PRDM16: variants seen among roughly 807,000 people sequenced by gnomAD.
PRDM16 encodes the protein histone-lysine N-methyltransferase PRDM16.
PRDM16 carries 23 observed loss-of-function variants against 110.6 expected under a neutral mutation model. The ratio of observed to expected loss-of-function variants is 0.21; its 90% CI spans 0.15 to 0.29. The LOEUF (loss-of-function observed/expected upper bound fraction) is 0.29, where lower values mean the gene tolerates loss of function less well. Among genes scored for constraint, PRDM16 ranks in the 10% least tolerant of loss-of-function variants. The probability of loss-of-function intolerance (pLI) is 1.00; values close to 1 mark genes in which losing one functional copy is unlikely to be tolerated. For synonymous variants in PRDM16, 799 were observed against 781.8 expected (o/e 1.02, Z -0.37); for missense variants, 1,615 against 1,794.3 (o/e 0.90, Z 1.81).
At chr1:3,420,003 C>T (rs951001542) in intron 12 of PRDM16, among the ~76,000 whole-genome samples, 5 of 151,968 alleles carry the variant, frequency 3.3e-5, no homozygotes, top group Admixed American at 6.6e-5. Context: ...TGGTCTGGTC[C>T]CCTCCCAGAA....
At chr1:3,106,159 G>C (rs1439518334) in intron 1 of PRDM16, among the ~76,000 whole-genome samples, 2 of 143,246 alleles carry the variant, frequency 1.4e-5, no homozygotes, top group African/African-American at 5.0e-5. Flanking sequence ...GGTGGGCGGG[G>C]TATGGGGGGA....
intron 3 of PRDM16, among the ~76,000 whole-genome samples, chr1:3,306,484 T>G (rs1641315507): frequency 6.6e-6 from 1 of 152,208 alleles, no homozygotes; most frequent in South Asian, 2.1e-4. Flanking sequence ...CATTTACACC[T>G]GGACACAGCC....
At chr1:3,147,033 G>T (rs554168363) in intron 1 of PRDM16, among the ~76,000 whole-genome samples, 8 of 141,582 alleles carry the variant, frequency 5.7e-5, no homozygotes, top group Admixed American at 2.1e-4. Context: ...TGTGTGCTCG[G>T]TGTGGGGTGT....
At chr1:3,322,944 A>G (rs1006045896) in intron 3 of PRDM16, among the ~76,000 whole-genome samples, 3 of 152,144 alleles carry the variant, frequency 2.0e-5, no homozygotes, top group Non-Finnish European at 4.4e-5. Flanking sequence ...GCCTCTTCTA[A>G]TCACGCTCTG....
rs568696711 is a variant in PRDM16 at position 3,271,046 on chromosome 1, T to C, written c.438+26909T>C. ...CAGACCTTGGTGTCTGCCACGCTCC[T>C]CCCAGTCCCGGCTGTGGCCGGCCTG... On this transcript the variant is annotated intron_variant, in intron 3 of 16. Transcript: ENST00000270722. Among the ~76,000 whole-genome samples the C allele has an allele frequency of 3.3e-5, 5 of 152,166 alleles. No individual in the cohort carries two copies. The South Asian group carries it at 1.0e-3, about 32-fold the overall frequency.
At chr1:3,162,827 G>T (rs368168911) in intron 1 of PRDM16, among the ~76,000 whole-genome samples, 1 of 152,088 alleles carries the variant, frequency 6.6e-6, no homozygotes, top group Non-Finnish European at 1.5e-5. Flanking sequence ...GGGTCAAAGC[G>T]GCACCTCCGC....
Position 3,102,200 on chromosome 1 carries a change from G to A in PRDM16, c.37+32904G>A, listed in dbSNP as rs112162835. On this transcript the variant is annotated intron_variant, in intron 1 of 16. Transcript: ENST00000270722. ...GTGGGCAGTGAGTCCAGCCGCACAG[G>A]GAGCCAGGTAGAGGTGGCGCCACCA... 3.3e-5 allele frequency among the ~76,000 whole-genome samples: 5 copies of A among 152,292 alleles called. 1 individual carries two copies. Among genetic ancestry groups the A allele is most frequent in the African/African-American group, 1.2e-4 (5 of 41,560 alleles).
At position 3,437,783 on chromosome 1, in the gene PRDM16, T is replaced by C; in HGVS notation, c.*3972T>C. On this transcript the variant is annotated 3_prime_UTR_variant, in exon 17 of 17. Transcript: ENST00000270722. The stretch of plus-strand genomic sequence containing the variant: ...AATAAATAAATAAATAAAAGGCAGC[T>C]TGAGTTTCCAAACGTGTGATTCACT... 4.6e-6 allele frequency: 1 copy of C among 219,268 alleles called. No homozygotes were observed. The highest frequency in any genetic ancestry group is 9.2e-6 in the Non-Finnish European group (1 of 109,270). 13.6% of individuals were successfully genotyped at this position (219,268 alleles called of 1,614,324 possible).
intron 1 of PRDM16, among the ~76,000 whole-genome samples, chr1:3,162,246 G>A (rs866401028): frequency 6.6e-6 from 1 of 152,118 alleles, no homozygotes; most frequent in Non-Finnish European, 1.5e-5. Context: ...CCCCGTGCCC[G>A]GTAAATAGTG....
At position 3,434,998 on chromosome 1, in the gene PRDM16, C is replaced by T; in HGVS notation, c.*1187C>T. The T allele has an allele frequency of 4.4e-6, 1 of 228,288 alleles. No individual in the cohort carries two copies. The highest frequency in any genetic ancestry group is 8.7e-6 in the Non-Finnish European group (1 of 114,836). 14.1% of individuals were successfully genotyped at this position (228,288 alleles called of 1,614,324 possible). A position where few individuals can be genotyped will look rare whatever the true frequency, so the allele number is the denominator to read the frequency against. Reference sequence around the variant, plus strand: ...GACTCCGGATGGACGACACAGTCGTCACGTCGCTCTTCCTGCGGGTTCTTG... The same window carrying T: ...GACTCCGGATGGACGACACAGTCGTTACGTCGCTCTTCCTGCGGGTTCTTG... On this transcript the variant is annotated 3_prime_UTR_variant, in exon 17 of 17. Transcript: ENST00000270722.
At chr1:3,186,537 A>G in intron 2 of PRDM16, 63 bp downstream of exon 2, 1 of 1,149,200 alleles carries the variant, frequency 8.7e-7, no homozygotes, top group South Asian at 1.6e-5. Context: ...ATCTATTTAT[A>G]AAGCCGGGCT....
In PRDM16 at chr1:3,245,347, G is replaced by C. The variant is rs1191479399; in HGVS notation, c.438+1210G>C. On this transcript the variant is annotated intron_variant, in intron 3 of 16. Transcript: ENST00000270722. The surrounding 1 kb of genome is among the most constrained non-coding windows in gnomAD (Gnocchi z 4.7). The stretch of plus-strand genomic sequence containing the variant: ...GAGGCATTTGGGCAGAGCTGCCTAC[G>C]AGGGACAGGGGACCCACCATCTGGG... Among the ~76,000 whole-genome samples the C allele has an allele frequency of 6.6e-6, 1 of 152,192 alleles. No individual in the cohort carries two copies. Among genetic ancestry groups the C allele is most frequent in the African/African-American group, 2.4e-5 (1 of 41,454 alleles).
At chr1:3,281,241 G>A (rs1009711575) in intron 3 of PRDM16, among the ~76,000 whole-genome samples, 1 of 152,242 alleles carries the variant, frequency 6.6e-6, no homozygotes, top group African/African-American at 2.4e-5. Flanking sequence ...GAACGCAGCT[G>A]TGGGCACTGT....
At chr1:3,186,960 G>C (rs1169074122) in intron 2 of PRDM16, among the ~76,000 whole-genome samples, 6 of 152,240 alleles carry the variant, frequency 3.9e-5, no homozygotes, top group Non-Finnish European at 7.3e-5. Context: ...AGCAGCCTCA[G>C]CTTCTCCAAC....
intron 4 of PRDM16, among the ~76,000 whole-genome samples, chr1:3,391,830 C>T (rs1236457851): frequency 6.6e-6 from 1 of 152,232 alleles, no homozygotes. Flanking sequence ...GAGGCAGGCT[C>T]CCAAGCACAG....
chr1:3,157,304 G>A lies in PRDM16; in HGVS notation c.38-28821G>A, dbSNP rs557474393. On this transcript the variant is annotated intron_variant, in intron 1 of 16. Coordinates refer to ENST00000270722, the MANE Select transcript of PRDM16 (RefSeq NM_022114.4). The surrounding 1 kb of genome is among the most constrained non-coding windows in gnomAD (Gnocchi z 4.8). ...TTTCAGATACACAGCACACAAGTAC[G>A]TCCCAAACACAGCCAGCATTTTGTT... Among the ~76,000 whole-genome samples the A allele has an allele frequency of 1.3e-4, 20 of 152,038 alleles. No individual in the cohort carries two copies. Among genetic ancestry groups the A allele is most frequent in the Non-Finnish European group, 2.9e-4 (20 of 68,010 alleles).
In PRDM16 at chr1:3,358,262, C is replaced by T. The variant is rs1433587204; in HGVS notation, c.439-26890C>T. Among the ~76,000 whole-genome samples the T allele has an allele frequency of 6.6e-6, 1 of 152,204 alleles. No homozygotes were observed. Among genetic ancestry groups the T allele is most frequent in the Non-Finnish European group, 1.5e-5 (1 of 68,044 alleles). On this transcript the variant is annotated intron_variant, in intron 3 of 16. Transcript: ENST00000270722. This position sits in a 1 kb window ranked among gnomAD's most constrained non-coding sequence, Gnocchi z 4.0. ...CACCATGAGACTCCCGGTTCTGCCT[C>T]CTGGGGACCCAGCCTGCCTGCTGGG...
intron 14 of PRDM16, among the ~76,000 whole-genome samples, chr1:3,427,807 A>G (rs1472797069): frequency 6.6e-6 from 1 of 152,092 alleles, no homozygotes; most frequent in Admixed American, 6.5e-5. Flanking sequence ...ACCCCAGTGC[A>G]ACCCCACCTA....
rs374947232 is a variant in PRDM16, at chr1:3,405,478, G to A, written c.1033-17G>A. ...GTGTCCAGGCAGGGCACGCGCCAAC[G>A]GCATCCGTCTCCCCAGGTGTTCACG... On this transcript the variant is annotated splice_polypyrimidine_tract_variant and intron_variant, in intron 7 of 16. Coordinates refer to ENST00000270722, the MANE Select transcript of PRDM16 (RefSeq NM_022114.4). The A allele has an allele frequency of 7.7e-6, 12 of 1,549,222 alleles. No homozygotes were observed. Among genetic ancestry groups the A allele is most frequent in the East Asian group, 4.6e-5 (2 of 43,098 alleles).
Sources: gnomAD v4.1 joint callset for allele counts (sites outside exome capture counted in the v4.1 genomes callset) on GRCh38, gnomAD v4.1.1 for gene constraint, Gnocchi (gnomAD v3.1) non-coding constraint, MANE v1.5 for transcripts, NCBI Gene and HGNC (gene_info 2026-07-23, HGNC 2026-07-21) for gene names.